The following RAB10 variants were observed in gnomAD, a reference collection of about 807,000 sequenced individuals.
The protein encoded by RAB10 is ras-related protein Rab-10.
RAB10 carries 5 observed loss-of-function variants against 25.7 expected under a neutral mutation model. The observed-to-expected ratio is 0.19, with a 90% CI of 0.10 to 0.41. The LOEUF (loss-of-function observed/expected upper bound fraction) is 0.41, where lower values mean the gene tolerates loss of function less well. Ranked by LOEUF, RAB10 falls within the 10% of genes least tolerant of loss-of-function variation. The pLI is 1.00. For missense variants in RAB10, 103 were observed against 245.8 expected (o/e 0.42, Z 3.89); for synonymous variants, 89 against 86.4 (o/e 1.03, Z -0.16).
At chr2:26,124,365 T>C (rs1289996615) in intron 3 of RAB10, among the ~76,000 whole-genome samples, 5 of 149,206 alleles carry the variant, frequency 3.4e-5, no homozygotes, top group African/African-American at 4.9e-5. Context: ...TTTGTTGCTG[T>C]TGTTTTTCTT....
At chr2:26,064,331 G>T (rs1255359976) in intron 1 of RAB10, among the ~76,000 whole-genome samples, 1 of 152,006 alleles carries the variant, frequency 6.6e-6, no homozygotes, top group Non-Finnish European at 1.5e-5. Context: ...TTTTTGTAGA[G>T]TGTTTGTTTT....
chr2:26,059,696 T>G (rs1666355785), intron 1 of RAB10, among the ~76,000 whole-genome samples: 1 of 152,212 alleles, frequency 6.6e-6, no homozygotes, highest in Non-Finnish European at 1.5e-5. Flanking sequence ...ACAGCACTAT[T>G]CACAATAGCC....
At chr2:26,075,236 C>CT (rs901626207) in intron 1 of RAB10, among the ~76,000 whole-genome samples, 1 of 152,128 alleles carries the variant, frequency 6.6e-6, no homozygotes, top group Middle Eastern at 3.2e-3. Flanking sequence ...CTTTCTGTCT[C>CT]TTTTTTTCCC....
intron 1 of RAB10, among the ~76,000 whole-genome samples, chr2:26,042,504 G>T (rs1665913750): frequency 6.6e-6 from 1 of 152,004 alleles, no homozygotes. Context: ...AAATTAGCTG[G>T]GTGCGGTGGT....
intron 2 of RAB10, 95 bp downstream of exon 2, chr2:26,098,817 G>T: frequency 9.1e-7 from 1 of 1,103,394 alleles, no homozygotes; most frequent in Non-Finnish European, 1.3e-6. Flanking sequence ...GATTCTGTGA[G>T]ACTTTTGTTT....
At chr2:26,093,095 C>A (rs758563283) in intron 1 of RAB10, among the ~76,000 whole-genome samples, 8 of 151,996 alleles carry the variant, frequency 5.3e-5, no homozygotes, top group Non-Finnish European at 1.2e-4. Context: ...GGTGTTAAAC[C>A]ATTTCTTGGT....
At chr2:26,134,851 A>G (rs953720875) in intron 5 of RAB10, 87 bp from the exon 6 acceptor site, 10 of 1,035,992 alleles carry the variant, frequency 9.7e-6, no homozygotes, top group Admixed American at 7.0e-5. Context: ...TGTTGTATAA[A>G]TTGACATAAG....
rs142297183 is a variant in RAB10, at chr2:26,038,203, T to G, written c.127+3468T>G. Among the ~76,000 whole-genome samples, 329 of 151,264 alleles carry G rather than the reference T, an allele frequency of 2.2e-3. 1 individual carries two copies. The highest frequency in any genetic ancestry group is 7.2e-3 in the African/African-American group (295 of 41,220). ...ACTGCCCTCCTTTGTTTGTTTGTTT[T>G]TTTTTTTTTTGAGATGGATTTTCGC... On this transcript the variant is annotated intron_variant, in intron 1 of 5. Transcript: ENST00000264710.
chr2:26,090,366 T>C (rs1405551771), intron 1 of RAB10, among the ~76,000 whole-genome samples: 1 of 152,136 alleles, frequency 6.6e-6, no homozygotes, highest in Non-Finnish European at 1.5e-5. Flanking sequence ...GCGCATACTT[T>C]TATAAACTAT....
At chr2:26,069,100 C>T (rs1319282165) in intron 1 of RAB10, among the ~76,000 whole-genome samples, 1 of 152,170 alleles carries the variant, frequency 6.6e-6, no homozygotes, top group Non-Finnish European at 1.5e-5. Context: ...TATTTGCCCT[C>T]TGAACAGCAT....
At position 26,086,591 on chromosome 2, in the gene RAB10, TTG is replaced by T. The variant is rs560910385; in HGVS notation, c.128-12067_128-12066del. Among the ~76,000 whole-genome samples the T allele has an allele frequency of 5.3e-4, 80 of 152,320 alleles. 3 individuals are homozygous for T. In the East Asian group the frequency reaches 0.014, roughly 28 times the overall value. On this transcript the variant is annotated intron_variant, in intron 1 of 5. Coordinates refer to ENST00000264710, the MANE Select transcript of RAB10 (RefSeq NM_016131.5). ...CCATGTGACTCAGCAGTTCCACCTG[TTG>T]TGTATGCCCAAAAGAATTGAAAACA...
upstream of RAB10, chr2:26,034,061 G>A (rs1665699556): frequency 1.0e-5 from 4 of 401,268 alleles, no homozygotes; most frequent in Non-Finnish European, 4.4e-6. Context: ...GTGAGGGAAG[G>A]GCGGGCGTAC....
At chr2:26,051,595 C>CAA (rs560459553) in intron 1 of RAB10, among the ~76,000 whole-genome samples, 3 of 131,156 alleles carry the variant, frequency 2.3e-5, no homozygotes, top group Non-Finnish European at 3.3e-5. Context: ...ACTAAAAATA[C>CAA]AAAAAAAAAA....
chr2:26,060,868 T>C (rs1369791965), intron 1 of RAB10, among the ~76,000 whole-genome samples: 2 of 152,172 alleles, frequency 1.3e-5, no homozygotes, highest in Non-Finnish European at 2.9e-5. Flanking sequence ...GACTTAAATG[T>C]CTTTCAAGAT....
rs77641754 is a variant in RAB10, at chr2:26,104,055, A to G, written c.188+5333A>G. ...AATGTTGCTGTGAACATTCACGTCT[A>G]CGTTTTTGTGTGGACGTACAAGTTT... On this transcript the variant is annotated intron_variant, in intron 2 of 5. Transcript: ENST00000264710. 5.3e-3 allele frequency among the ~76,000 whole-genome samples: 808 copies of G among 152,222 alleles called. 4 individuals are homozygous for G. The highest frequency in any genetic ancestry group is 7.4e-3 in the Non-Finnish European group (506 of 68,006).
At chr2:26,083,192 C>G (rs1188089851) in intron 1 of RAB10, among the ~76,000 whole-genome samples, 1 of 151,990 alleles carries the variant, frequency 6.6e-6, no homozygotes, top group Non-Finnish European at 1.5e-5. Flanking sequence ...TAAAATAAAG[C>G]AAGAGAAATA....
intron 1 of RAB10, among the ~76,000 whole-genome samples, chr2:26,082,246 T>A (rs1287735819): frequency 6.6e-6 from 1 of 152,114 alleles, no homozygotes; most frequent in African/African-American, 2.4e-5. Context: ...ATGTTAAAAG[T>A]GGTATAATAC....
intron 1 of RAB10, among the ~76,000 whole-genome samples, chr2:26,074,241 T>G (rs761266181): frequency 4.6e-5 from 7 of 152,082 alleles, no homozygotes; most frequent in Non-Finnish European, 7.4e-5. Context: ...GAAACAGATT[T>G]GAGAACTTTC....
chr2:26,074,829 C>T (rs1666698369), intron 1 of RAB10, among the ~76,000 whole-genome samples: 2 of 152,328 alleles, frequency 1.3e-5, no homozygotes, highest in South Asian at 2.1e-4. Context: ...TACTTAACTT[C>T]CTTCTGCCTT....
Sources: gnomAD v4.1 joint callset for allele counts (sites outside exome capture counted in the v4.1 genomes callset) on GRCh38, gnomAD v4.1.1 for gene constraint, MANE v1.5 for transcripts, NCBI Gene and HGNC (gene_info 2026-07-23, HGNC 2026-07-21) for gene names.